ITGA8: variants seen among roughly 807,000 people sequenced by gnomAD.
ITGA8 encodes integrin subunit alpha 8, also known as integrin alpha-8.
A neutral mutation model predicts 142.3 loss-of-function variants in ITGA8; 91 were observed. That is an observed-to-expected ratio of 0.64 (90% confidence interval 0.54 to 0.76). The LOEUF (loss-of-function observed/expected upper bound fraction) is 0.76, where lower values mean the gene tolerates loss of function less well. Ranked by LOEUF, ITGA8 falls within the 30% of genes least tolerant of loss-of-function variation. The pLI, the probability that ITGA8 is intolerant of heterozygous loss-of-function variation, is 0.00. For synonymous variants in ITGA8, 505 were observed against 485.2 expected (o/e 1.04, Z -0.54); for missense variants, 1,406 against 1,327.7 (o/e 1.06, Z -0.92).
rs773531491 is a variant in ITGA8 at position 15,606,439 on chromosome 10, C to G, written c.1765-17G>C. 3 of 1,582,492 alleles carry G rather than the reference C, an allele frequency of 1.9e-6. No individual in the cohort carries two copies. Among genetic ancestry groups the G allele is most frequent in the Non-Finnish European group, 2.6e-6 (3 of 1,155,526 alleles). On this transcript the variant is annotated splice_polypyrimidine_tract_variant and intron_variant, in intron 17 of 29. Transcript: ENST00000378076. ...AGTTTCATCCTAGGAAAAATAATCACAAACTCAACAGAGGCTCCATGAAAT... is the reference window on the plus strand; with the variant it reads ...AGTTTCATCCTAGGAAAAATAATCAGAAACTCAACAGAGGCTCCATGAAAT...
chr10:15,631,709 G>C (rs1000180523), intron 13 of ITGA8, among the ~76,000 whole-genome samples: 11 of 135,536 alleles, frequency 8.1e-5, no homozygotes, highest in African/African-American at 3.1e-4. Context: ...AGAACTTAAA[G>C]TATATTAAGA....
At chr10:15,565,572 G>GGTTTT (rs1834062355) in intron 25 of ITGA8, among the ~76,000 whole-genome samples, 1 of 55,436 alleles carries the variant, frequency 1.8e-5, no homozygotes, top group Non-Finnish European at 3.6e-5. Flanking sequence ...TTCATGTCCT[G>GGTTTT]ATTTTTTTTT....
At chr10:15,569,154 G>A (rs531354470) in intron 25 of ITGA8, among the ~76,000 whole-genome samples, 3 of 152,156 alleles carry the variant, frequency 2.0e-5, no homozygotes, top group Admixed American at 6.6e-5. Context: ...ATCTGAACAC[G>A]AGGGAAAGGG....
intron 28 of ITGA8, among the ~76,000 whole-genome samples, chr10:15,527,308 T>C (rs1833193719): frequency 6.6e-6 from 1 of 152,196 alleles, no homozygotes; most frequent in South Asian, 2.1e-4. Context: ...GAAAACCAAA[T>C]GGGTTCACAG....
At chr10:15,573,059 C>T (rs1757078774) in intron 24 of ITGA8, among the ~76,000 whole-genome samples, 1 of 152,178 alleles carries the variant, frequency 6.6e-6, no homozygotes, top group African/African-American at 2.4e-5. Context: ...TTAAAGTCAG[C>T]AGGGATTTTC....
intron 2 of ITGA8, among the ~76,000 whole-genome samples, chr10:15,689,423 C>T (rs1352270127): frequency 6.6e-6 from 1 of 152,136 alleles, no homozygotes; most frequent in East Asian, 1.9e-4. Context: ...ATTTCATCTC[C>T]TAAGCCAGGA....
chr10:15,660,735 T>C lies in ITGA8; in HGVS notation c.891+144A>G, dbSNP rs996363159. On this transcript the variant is annotated intron_variant, in intron 9 of 29. Transcript: ENST00000378076. ...TGTTTAAGGTAGGTTAGGTAAGCTA[T>C]GATGTTCGGTGGATTAGGTGTATTA... 3 of 673,384 alleles carry C rather than the reference T, an allele frequency of 4.5e-6. No homozygotes were observed. In the African/African-American group the frequency reaches 5.4e-5, roughly 12 times the overall value. The allele number at this position is 673,384 out of a possible 1,614,324, so 41.7% of individuals were successfully genotyped here.
chr10:15,661,624 T>G (rs572446848), intron 8 of ITGA8, among the ~76,000 whole-genome samples: 1 of 152,340 alleles, frequency 6.6e-6, no homozygotes, highest in African/African-American at 2.4e-5. Flanking sequence ...ATTAGACTTC[T>G]TACTCTGATT....
chr10:15,517,023 G>GCCGT lies in ITGA8; in HGVS notation c.*134_*135insACGG. 2.2e-6 allele frequency: 1 copy of GCCGT among 455,190 alleles called. No individual in the cohort carries two copies. The highest frequency in any genetic ancestry group is 3.7e-6 in the Non-Finnish European group (1 of 268,670). 28.2% of individuals were successfully genotyped at this position (455,190 alleles called of 1,614,324 possible). ...CTCCAAAGTGCGGTGTAGATGAGGT[G>GCCGT]ATGTTTCCAGGGTCCCCTCCATTTC... On this transcript the variant is annotated 3_prime_UTR_variant, in exon 30 of 30. Coordinates refer to ENST00000378076, the MANE Select transcript of ITGA8 (RefSeq NM_003638.3).
intron 15 of ITGA8, among the ~76,000 whole-genome samples, chr10:15,608,757 G>C (rs1393145534): frequency 6.6e-6 from 1 of 152,124 alleles, no homozygotes; most frequent in Admixed American, 6.6e-5. Flanking sequence ...AGGAGGCAAG[G>C]CTGGCTTGGT....
chr10:15,564,149 A>G (rs1307303389), intron 25 of ITGA8, among the ~76,000 whole-genome samples: 3 of 152,342 alleles, frequency 2.0e-5, no homozygotes, highest in South Asian at 4.1e-4. Flanking sequence ...TTTGTGACAC[A>G]GTTTTACAAA....
intron 2 of ITGA8, among the ~76,000 whole-genome samples, chr10:15,712,781 C>T (rs886493658): frequency 3.9e-5 from 6 of 152,160 alleles, no homozygotes; most frequent in Non-Finnish European, 8.8e-5. Context: ...CACATCTCAA[C>T]CTGTCAGCTT....
intron 25 of ITGA8, among the ~76,000 whole-genome samples, chr10:15,567,556 G>A (rs974702632): frequency 3.3e-5 from 5 of 152,136 alleles, no homozygotes; most frequent in African/African-American, 7.2e-5. Flanking sequence ...GACCCTTCCC[G>A]GGCATCTGCT....
At chr10:15,587,244 C>T (rs1832850650) in intron 22 of ITGA8, among the ~76,000 whole-genome samples, 1 of 152,120 alleles carries the variant, frequency 6.6e-6, no homozygotes, top group Non-Finnish European at 1.5e-5. Flanking sequence ...TTTTAAATGG[C>T]TAAACCAAAA....
chr10:15,699,570 C>T lies in ITGA8; in HGVS notation c.344-11532G>A, dbSNP rs142437908. ...TAGTCTACATTTTATTTATCCATTCCGTTTACATATGAACATTTGTGGGTT... is the reference window on the plus strand; with the variant it reads ...TAGTCTACATTTTATTTATCCATTCTGTTTACATATGAACATTTGTGGGTT... On this transcript the variant is annotated intron_variant, in intron 2 of 29. Transcript: ENST00000378076. Among the ~76,000 whole-genome samples the T allele has an allele frequency of 1.6e-3, 247 of 152,264 alleles. 1 individual carries two copies. The Middle Eastern group carries it at 0.027, about 17-fold the overall frequency.
intron 2 of ITGA8, among the ~76,000 whole-genome samples, chr10:15,710,602 A>G (rs1049442108): frequency 6.6e-6 from 1 of 152,322 alleles, no homozygotes; most frequent in East Asian, 1.9e-4. Context: ...ACACGTGTGT[A>G]TGCAAGAGTT....
chr10:15,592,907 A>ACT (rs1446930395), intron 21 of ITGA8, among the ~76,000 whole-genome samples: 4 of 152,204 alleles, frequency 2.6e-5, no homozygotes, highest in Admixed American at 2.6e-4. Flanking sequence ...TTGACTTAGA[A>ACT]AACTATGATG....
At chr10:15,613,825 G>A in intron 14 of ITGA8, 58 bp from the exon 15 acceptor site, 8 of 1,174,062 alleles carry the variant, frequency 6.8e-6, no homozygotes, top group Non-Finnish European at 1.0e-5. Flanking sequence ...TAGGCAGGCA[G>A]AAGCCCACTT....
chr10:15,534,937 C>T (rs1833390474), intron 27 of ITGA8, among the ~76,000 whole-genome samples: 1 of 152,196 alleles, frequency 6.6e-6, no homozygotes, highest in Non-Finnish European at 1.5e-5. Flanking sequence ...GAGGCCGGAG[C>T]CGGCTCCCTC....
Sources: gnomAD v4.1 joint callset for allele counts (sites outside exome capture counted in the v4.1 genomes callset) on GRCh38, gnomAD v4.1.1 for gene constraint, MANE v1.5 for transcripts, NCBI Gene and HGNC (gene_info 2026-07-23, HGNC 2026-07-21) for gene names.